The following PKHD1L1 variants were observed in gnomAD, a reference collection of about 807,000 sequenced individuals.
PKHD1L1 encodes the protein PKHD1 like 1, also known as fibrocystin-L.
A neutral mutation model predicts 462.9 loss-of-function variants in PKHD1L1; 434 were observed. That is an observed-to-expected ratio of 0.94 (90% CI 0.87 to 1.02). The LOEUF is 1.02. PKHD1L1 is among the 50% of genes least tolerant of loss of function. PKHD1L1 has a pLI of 0.00. For missense variants in PKHD1L1, 5,202 were observed against 5,096.1 expected (o/e 1.02, Z -0.63); for synonymous variants, 1,781 against 1,750.0 (o/e 1.02, Z -0.44).
chr8:109,429,887 G>A, intron 26 of PKHD1L1, 45 bp from the exon 27 acceptor site: 1 of 1,270,366 alleles, frequency 7.9e-7, no homozygotes. Flanking sequence ...TTCTACTGCT[G>A]CCTCTTTGCC....
chr8:109,429,354 C>A lies in PKHD1L1; in HGVS notation c.3015C>A (p.Asn1005Lys). ...TGTAAAAATAGATTAATGATTCCAACATTATTGGAGAAAAGGCTAATATGA... is the reference window on the plus strand; with the variant it reads ...TGTAAAAATAGATTAATGATTCCAAAATTATTGGAGAAAAGGCTAATATGA... ...KQNLLQINDS[N>K]IIGEKANMTV... Residue 1005 changes from asparagine (N) to lysine (K), a missense_variant, in exon 26 of 78, where the codon AAC (asparagine) becomes AAA (lysine). Physicochemically the swap from Asn to Lys is moderately conservative, Grantham distance 94. Around this residue, in one of 3 missense-constraint regions of PKHD1L1, gnomAD observed 4,497 missense variants for 4,336.8 expected, o/e 1.04. Transcript: ENST00000378402. 6.6e-7 allele frequency: 1 copy of A among 1,522,290 alleles called. No homozygotes were observed. Among genetic ancestry groups the A allele is most frequent in the Non-Finnish European group, 9.0e-7 (1 of 1,111,976 alleles). 94.3% of individuals were successfully genotyped at this position (1,522,290 alleles called of 1,614,324 possible).
intron 21 of PKHD1L1, among the ~76,000 whole-genome samples, chr8:109,415,242 T>C (rs1428915124): frequency 6.6e-6 from 1 of 151,826 alleles, no homozygotes; most frequent in African/African-American, 2.4e-5. Context: ...GCTCAAGCAA[T>C]CCTCCTGCCT....
At chr8:109,472,595 G>A (rs1012481860) in intron 50 of PKHD1L1, among the ~76,000 whole-genome samples, 4 of 152,052 alleles carry the variant, frequency 2.6e-5, no homozygotes, top group East Asian at 1.9e-4. Flanking sequence ...AAGGCTCAAC[G>A]CAGGACATTG....
chr8:109,476,419 A>C, intron 51 of PKHD1L1, 89 bp from the exon 52 acceptor site: 1 of 890,528 alleles, frequency 1.1e-6, no homozygotes, highest in Non-Finnish European at 1.6e-6. Flanking sequence ...TCTTAACATA[A>C]TATAGGGGCT....
chr8:109,377,010 T>A (rs1342981280), intron 2 of PKHD1L1, among the ~76,000 whole-genome samples: 3 of 152,226 alleles, frequency 2.0e-5, no homozygotes, highest in Non-Finnish European at 4.4e-5. Flanking sequence ...AATGAAGTCC[T>A]GCTTCCAGGC....
intron 49 of PKHD1L1, 141 bp from the exon 50 acceptor site, chr8:109,466,437 T>C: frequency 1.3e-6 from 1 of 798,210 alleles, no homozygotes; most frequent in Non-Finnish European, 1.8e-6. Context: ...TCTTGCTCCA[T>C]GCAAACAAGC....
chr8:109,377,901 T>C (rs2130388609), intron 2 of PKHD1L1, among the ~76,000 whole-genome samples: 1 of 152,362 alleles, frequency 6.6e-6, no homozygotes, highest in East Asian at 1.9e-4. Context: ...TTAATCTATA[T>C]TTAATTACTT....
chr8:109,388,506 T>C lies in PKHD1L1; in HGVS notation c.579T>C (p.Ile193=). The change falls in exon 7 of 78, where the codon ATT becomes ATC. Residue 193 remains isoleucine, a synonymous_variant. Coordinates refer to ENST00000378402, the MANE Select transcript of PKHD1L1 (RefSeq NM_177531.6). ...AAAAATATTTGTACAGAGTTTACAT[T>C]GGAGGAATGCCCTGTGAGCTTCTCA... ...GKNVRILRVY[I]GGMPCELLIP... is the part of the protein sequence containing the mutation. 6.6e-7 allele frequency: 1 copy of C among 1,513,466 alleles called. No individual in the cohort carries two copies. 93.8% of individuals were successfully genotyped at this position (1,513,466 alleles called of 1,614,324 possible). A position where few individuals can be genotyped will look rare whatever the true frequency, so the allele number is the denominator to read the frequency against.
chr8:109,384,106 A>G lies in PKHD1L1; in HGVS notation c.454A>G (p.Thr152Ala), dbSNP rs375267205. The change falls in exon 5 of 78, where the codon ACA (threonine) becomes GCA (alanine). Residue 152 changes from threonine to alanine, a missense_variant. Thr to Ala is a moderately conservative substitution (Grantham distance 58). Around this residue, in one of 3 missense-constraint regions of PKHD1L1, gnomAD observed 4,497 missense variants for 4,336.8 expected, o/e 1.04. Coordinates refer to ENST00000378402, the MANE Select transcript of PKHD1L1 (RefSeq NM_177531.6). ...SFRTPTIRSI[T>A]PLSGTPGTLI... ...TAGAACCCCAACAATAAGAAGCATC[A>G]CACCTTTATCTGGAACTCCAGGTCT... The G allele has an allele frequency of 3.7e-6, 6 of 1,611,308 alleles. No homozygotes were observed. The highest frequency in any genetic ancestry group is 1.6e-4 in the Middle Eastern group (1 of 6,074).
At chr8:109,454,374 T>G in intron 44 of PKHD1L1, 128 bp downstream of exon 44, 4 of 690,962 alleles carry the variant, frequency 5.8e-6, no homozygotes, top group Non-Finnish European at 9.2e-6. Context: ...AGGTCTCTGT[T>G]ATTGGTATAA....
chr8:109,483,080 C>A lies in PKHD1L1; in HGVS notation c.9551C>A (p.Ser3184Tyr). The A allele has an allele frequency of 6.3e-7, 1 of 1,596,426 alleles. No individual in the cohort carries two copies. Among genetic ancestry groups the A allele is most frequent in the Non-Finnish European group, 8.5e-7 (1 of 1,171,376 alleles). ...ETAFAGSKVL[S>Y]LMDAVDWQEG... ...GCATTTGCAGGTTCCAAAGTCCTGTCTCTGATGGATGCTGTGGATTGGCAG... is the reference window on the plus strand; with the variant it reads ...GCATTTGCAGGTTCCAAAGTCCTGTATCTGATGGATGCTGTGGATTGGCAG... Residue 3184 changes from serine to tyrosine, a missense_variant, in exon 57 of 78, where the codon TCT becomes TAT. Ser to Tyr is a moderately radical substitution (Grantham distance 144). Coordinates refer to ENST00000378402, the MANE Select transcript of PKHD1L1 (RefSeq NM_177531.6).
intron 63 of PKHD1L1, among the ~76,000 whole-genome samples, chr8:109,494,943 T>C (rs1388073562): frequency 2.0e-5 from 3 of 151,962 alleles, no homozygotes. Flanking sequence ...GAGAAATGTA[T>C]GTCCCTTCCA....
At chr8:109,383,188 TTA>T (rs1209267087) in intron 4 of PKHD1L1, among the ~76,000 whole-genome samples, 3 of 105,852 alleles carry the variant, frequency 2.8e-5, no homozygotes, top group African/African-American at 1.1e-4. Flanking sequence ...ATATATATAA[TTA>T]TATATAATTA....
rs1454418657 is a variant in PKHD1L1, at chr8:109,445,354, A to G, written c.5485A>G (p.Ser1829Gly). 5 of 1,613,870 alleles carry G rather than the reference A, an allele frequency of 3.1e-6. No homozygotes were observed. The highest frequency in any genetic ancestry group is 1.3e-5 in the African/African-American group (1 of 74,926). The change falls in exon 38 of 78, where the codon AGC (serine) becomes GGC (glycine). Residue 1829 changes from serine (S) to glycine (G), a missense_variant. By Grantham distance (56) the Ser-to-Gly change is moderately conservative (BLOSUM62 0). Coordinates refer to ENST00000378402, the MANE Select transcript of PKHD1L1 (RefSeq NM_177531.6). ...CTTGGCTCTGGGAAACCTGACTGTC[A>G]GCAGCCCCCCAGTAGCATCTCTATC... ...KGLALGNLTV[S>G]SPPVASLSPT...
rs1456143217 is a variant in PKHD1L1, at chr8:109,449,390, A to G, written c.6078A>G (p.Pro2026=). 1.3e-6 allele frequency: 2 copies of G among 1,587,810 alleles called. No individual in the cohort carries two copies. Residue 2026 remains proline (P), a synonymous_variant, in exon 40 of 78, where the codon CCA becomes CCG. Transcript: ENST00000378402. The part of the protein sequence containing the change: ...TMTVTGTGFN[P]QNSIILVCGS... ...CTGTGACAGGCACCGGATTTAATCC[A>G]CAAAATTCAATTATATTAGTTTGTG...
chr8:109,485,278 AG>A, intron 58 of PKHD1L1, 105 bp downstream of exon 58: 2 of 1,103,342 alleles, frequency 1.8e-6, no homozygotes, highest in Non-Finnish European at 2.5e-6. Flanking sequence ...AATATGTTAA[AG>A]GAGCATTTTA....
At chr8:109,475,826 C>T (rs57175707) in intron 51 of PKHD1L1, among the ~76,000 whole-genome samples, 2,971 of 129,588 alleles carry the variant, frequency 0.023, 52 homozygotes, top group African/African-American at 0.054. Context: ...CCAGCCTGGG[C>T]GACAGAGGGA....
rs1357281506 is a variant in PKHD1L1 at position 109,526,780 on chromosome 8, C to T, written c.12485-4C>T. On this transcript the variant is annotated splice_region_variant and splice_polypyrimidine_tract_variant and intron_variant, in intron 76 of 77. Coordinates refer to ENST00000378402, the MANE Select transcript of PKHD1L1 (RefSeq NM_177531.6). ...TCAAACACTATGATGCTTTTTTTTT[C>T]CAGGAAAAAATTATAAGATTGAATT... The T allele has an allele frequency of 1.3e-5, 20 of 1,521,860 alleles. No individual in the cohort carries two copies. The highest frequency in any genetic ancestry group is 7.1e-5 in the African/African-American group (5 of 70,630). 94.3% of individuals were successfully genotyped at this position (1,521,860 alleles called of 1,614,324 possible). A position where few individuals can be genotyped will look rare whatever the true frequency, so the allele number is the denominator to read the frequency against.
intron 2 of PKHD1L1, among the ~76,000 whole-genome samples, chr8:109,371,211 C>T (rs181370311): frequency 0.012 from 1,775 of 152,188 alleles, 16 homozygotes; most frequent in African/African-American, 0.028. Flanking sequence ...TGGTGTGAGA[C>T]GGTATCTCAT....
Sources: gnomAD v4.1 joint callset for allele counts (sites outside exome capture counted in the v4.1 genomes callset) on GRCh38, gnomAD v4.1.1 for gene constraint, gnomAD v4.1.1 regional missense constraint, MANE v1.5 for transcripts, NCBI Gene and HGNC (gene_info 2026-07-23, HGNC 2026-07-21) for gene names.